Variants in TRABD2B observed in about 807,000 individuals in gnomAD.
TRABD2B encodes the protein metalloprotease TIKI2.
Under a neutral mutation model 40.1 loss-of-function variants are expected in TRABD2B, and 14 were observed. That is an observed-to-expected ratio of 0.35 (90% CI 0.23 to 0.55). The LOEUF (loss-of-function observed/expected upper bound fraction) is 0.55. Among genes scored for constraint, TRABD2B ranks in the 20% least tolerant of loss-of-function variants. The probability of loss-of-function intolerance (pLI) is 0.90; values close to 1 mark genes in which losing one functional copy is unlikely to be tolerated. For synonymous variants in TRABD2B, 263 were observed against 277.0 expected (o/e 0.95, Z 0.50); for missense variants, 541 against 648.6 (o/e 0.83, Z 1.80).
chr1:47,873,658 A>C (rs1285400022), intron 2 of TRABD2B, among the ~76,000 whole-genome samples: 2 of 152,000 alleles, frequency 1.3e-5, no homozygotes, highest in Admixed American at 6.6e-5. Context: ...CTCCCAGTGG[A>C]GAAGGTCTGA....
At chr1:47,844,907 T>G (rs1232383530) in intron 2 of TRABD2B, among the ~76,000 whole-genome samples, 1 of 152,182 alleles carries the variant, frequency 6.6e-6, no homozygotes, top group Non-Finnish European at 1.5e-5. Context: ...GCCCCTGTAA[T>G]GTAAGAACTG....
In TRABD2B at chr1:47,994,281, T is replaced by C; in HGVS notation, c.419A>G (p.Gln140Arg). 1.3e-6 allele frequency: 2 copies of C among 1,536,688 alleles called. No individual in the cohort carries two copies. The highest frequency in any genetic ancestry group is 1.7e-6 in the Non-Finnish European group (2 of 1,147,000). The change falls in exon 2 of 7, where the codon CAG becomes CGG. Residue 140 changes from glutamine to arginine, a missense_variant. Physicochemically the swap from Gln to Arg is conservative, Grantham distance 43 (BLOSUM62 1). This residue lies in a region of TRABD2B where 369 missense variants were observed against 492.8 expected (regional missense o/e 0.75). Transcript: ENST00000606738. This position sits in a 1 kb window ranked among gnomAD's most constrained non-coding sequence, Gnocchi z 6.7. ...LMMPSWMTPA[Q>R]RGKGLYADYL... ...GTCAGCATAGAGCCCCTTGCCCCGC[T>C]GAGCGGGCGTCATCCAGGAGGGCAT...
intron 2 of TRABD2B, among the ~76,000 whole-genome samples, chr1:47,893,420 C>T (rs1261910102): frequency 6.6e-6 from 1 of 152,148 alleles, no homozygotes; most frequent in Non-Finnish European, 1.5e-5. Flanking sequence ...CTCACTCCAT[C>T]ACATACCATC....
intron 4 of TRABD2B, among the ~76,000 whole-genome samples, chr1:47,780,592 C>A (rs1253522802): frequency 1.3e-5 from 2 of 152,212 alleles, no homozygotes. Flanking sequence ...ACACAGGAGG[C>A]CTCTAAGCCA....
intron 2 of TRABD2B, among the ~76,000 whole-genome samples, chr1:47,927,789 T>C (rs1644989248): frequency 6.6e-6 from 1 of 152,216 alleles, no homozygotes. Context: ...TGGGAGACAT[T>C]CTCCTTGCCC....
intron 2 of TRABD2B, among the ~76,000 whole-genome samples, chr1:47,947,952 T>G (rs1557673874): frequency 6.6e-6 from 1 of 152,030 alleles, no homozygotes; most frequent in East Asian, 1.9e-4. Context: ...AGACAGAAAG[T>G]CAAGCACAGA....
chr1:47,989,132 C>T (rs962160349), intron 2 of TRABD2B, among the ~76,000 whole-genome samples: 2 of 152,202 alleles, frequency 1.3e-5, no homozygotes, highest in Non-Finnish European at 2.9e-5. Context: ...ACAAAATCCG[C>T]TGGTACCTTG....
intron 2 of TRABD2B, among the ~76,000 whole-genome samples, chr1:47,933,755 A>C (rs975135798): frequency 1.3e-5 from 2 of 152,190 alleles, no homozygotes; most frequent in African/African-American, 4.8e-5. Context: ...ACAGGGCTTG[A>C]CACAGTGAGT....
At chr1:47,893,423 A>T (rs7532660) in intron 2 of TRABD2B, among the ~76,000 whole-genome samples, 78,440 of 151,904 alleles carry the variant, frequency 0.52, 21,276 homozygotes, top group South Asian at 0.66. Context: ...ACTCCATCAC[A>T]TACCATCTGG....
chr1:47,789,823 T>A (rs1644646765), intron 4 of TRABD2B, among the ~76,000 whole-genome samples: 1 of 152,152 alleles, frequency 6.6e-6, no homozygotes, highest in African/African-American at 2.4e-5. Flanking sequence ...CCCACCTTGC[T>A]GCCTTCTTGG....
chr1:47,897,724 T>A (rs1325565433), intron 2 of TRABD2B, among the ~76,000 whole-genome samples: 1 of 152,032 alleles, frequency 6.6e-6, no homozygotes, highest in South Asian at 2.1e-4. Flanking sequence ...CACACACACA[T>A]ATACAATCTG....
rs910529034 is a variant in TRABD2B at position 47,847,151 on chromosome 1, T to G, written c.667-45532A>C. ...TCTTGGGGGAACTTGGAGGTGGTCTTGCACTTGGGGAGGCTGGGCCTGCCG... is the reference window on the plus strand; with the variant it reads ...TCTTGGGGGAACTTGGAGGTGGTCTGGCACTTGGGGAGGCTGGGCCTGCCG... On this transcript the variant is annotated intron_variant, in intron 2 of 6. Coordinates refer to ENST00000606738, the MANE Select transcript of TRABD2B (RefSeq NM_001194986.2). Among the ~76,000 whole-genome samples the G allele has an allele frequency of 4.6e-5, 7 of 152,306 alleles. No individual in the cohort carries two copies. In the East Asian group the frequency reaches 1.4e-3, roughly 29 times the overall value.
chr1:47,989,430 T>G (rs1645967701), intron 2 of TRABD2B, among the ~76,000 whole-genome samples: 2 of 152,208 alleles, frequency 1.3e-5, no homozygotes, highest in Admixed American at 6.5e-5. Context: ...TCCCAATAGT[T>G]ACTCAGCACT....
intron 2 of TRABD2B, among the ~76,000 whole-genome samples, chr1:47,856,265 T>C (rs1484816270): frequency 6.6e-6 from 1 of 152,224 alleles, no homozygotes; most frequent in African/African-American, 2.4e-5. Flanking sequence ...TGACCCTACT[T>C]TGGGATCTCT....
chr1:47,973,969 T>C lies in TRABD2B; in HGVS notation c.666+20065A>G, dbSNP rs138530677. The stretch of plus-strand genomic sequence containing the variant: ...AAATACAAAAATTAGCTGGGTGCGG[T>C]GGAATGTGCCTGCAGTCTCAACTAT... On this transcript the variant is annotated intron_variant, in intron 2 of 6. Coordinates refer to ENST00000606738, the MANE Select transcript of TRABD2B (RefSeq NM_001194986.2). 1.1e-3 allele frequency among the ~76,000 whole-genome samples: 169 copies of C among 152,054 alleles called. 1 individual carries two copies. Among genetic ancestry groups the C allele is most frequent in the African/African-American group, 3.8e-3 (159 of 41,458 alleles).
At chr1:47,993,958 G>C in intron 2 of TRABD2B, 76 bp downstream of exon 2, 1 of 1,407,068 alleles carries the variant, frequency 7.1e-7, no homozygotes, top group Non-Finnish European at 9.4e-7. Flanking sequence ...CTCCCCCTCG[G>C]AGAAGAAAGA....
intron 2 of TRABD2B, among the ~76,000 whole-genome samples, chr1:47,824,730 C>G (rs1645153017): frequency 6.6e-6 from 1 of 152,160 alleles, no homozygotes; most frequent in Non-Finnish European, 1.5e-5. Context: ...AGGCTCCTGG[C>G]CCTTTAATAG....
intron 2 of TRABD2B, among the ~76,000 whole-genome samples, chr1:47,962,070 G>T (rs1645526005): frequency 6.6e-6 from 1 of 152,104 alleles, no homozygotes; most frequent in Non-Finnish European, 1.5e-5. Context: ...GTAGGGACAT[G>T]GATGAAGCTG....
At chr1:47,843,299 AC>A (rs1645424279) in intron 2 of TRABD2B, among the ~76,000 whole-genome samples, 1 of 152,130 alleles carries the variant, frequency 6.6e-6, no homozygotes, top group Admixed American at 6.5e-5. Flanking sequence ...AGACGCAGGG[AC>A]CCTGGTCCAG....
Sources: allele counts gnomAD v4.1 joint callset (sites outside exome capture counted in the v4.1 genomes callset), GRCh38; gene constraint gnomAD v4.1.1; regional missense constraint gnomAD v4.1.1; non-coding constraint Gnocchi (gnomAD v3.1); transcripts MANE v1.5; gene names NCBI Gene and HGNC (gene_info 2026-07-23, HGNC 2026-07-21).